The following DPP6 variants were observed in gnomAD, a reference collection of about 807,000 sequenced individuals.
DPP6 encodes dipeptidyl peptidase like 6.
DPP6 carries 69 observed loss-of-function variants against 122.6 expected under a neutral mutation model. The ratio of observed to expected loss-of-function variants is 0.56; its 90% CI spans 0.46 to 0.69. DPP6 has a LOEUF of 0.69. Among genes scored for constraint, DPP6 ranks in the 30% least tolerant of loss-of-function variants. DPP6 has a pLI of 0.00. For missense variants in DPP6, 928 were observed against 1,116.9 expected (o/e 0.83, Z 2.41); for synonymous variants, 418 against 433.1 (o/e 0.97, Z 0.43).
At chr7:154,587,351 C>T (rs990122704) in intron 5 of DPP6, 4 of 444,276 alleles carry the variant, frequency 9.0e-6, no homozygotes, top group Admixed American at 3.8e-5. Flanking sequence ...TCCCCCCAAC[C>T]ATTCCCACTG....
intron 3 of DPP6, among the ~76,000 whole-genome samples, chr7:154,533,563 G>C (rs1828009960): frequency 6.6e-6 from 1 of 152,028 alleles, no homozygotes; most frequent in East Asian, 1.9e-4. Flanking sequence ...GAATAGAATG[G>C]AACACTTCCC....
At chr7:154,443,738 G>A (rs542361660) in intron 1 of DPP6, among the ~76,000 whole-genome samples, 2 of 152,298 alleles carry the variant, frequency 1.3e-5, no homozygotes, top group African/African-American at 4.8e-5. Context: ...ATGGATGGAT[G>A]TGGATCACTG....
chr7:153,950,811 G>C (rs968765759), intron 1 of DPP6, among the ~76,000 whole-genome samples: 11 of 152,216 alleles, frequency 7.2e-5, no homozygotes, highest in Admixed American at 3.3e-4. Context: ...GGAACATATC[G>C]GTGGTGGATG....
chr7:154,180,650 T>G (rs1798038005), intron 1 of DPP6, among the ~76,000 whole-genome samples: 1 of 151,616 alleles, frequency 6.6e-6, no homozygotes, highest in African/African-American at 2.4e-5. Context: ...ATATCCCGTT[T>G]TTTTACTAAT....
At chr7:153,766,739 T>C in the DPP6 span, among the ~76,000 whole-genome samples, 64,587 of 151,944 alleles carry the variant, frequency 0.43, 14,085 homozygotes, top group South Asian at 0.52. Context: ...GCAACCTCGC[T>C]AGAATCAAAT....
chr7:153,991,745 C>T (rs921335611), intron 1 of DPP6, among the ~76,000 whole-genome samples: 4 of 152,194 alleles, frequency 2.6e-5, no homozygotes, highest in Non-Finnish European at 4.4e-5. Context: ...TGAGTCCACA[C>T]ACTGATGTTC....
intron 10 of DPP6, among the ~76,000 whole-genome samples, chr7:154,785,268 C>T (rs1797271170): frequency 6.6e-6 from 1 of 152,186 alleles, no homozygotes; most frequent in Non-Finnish European, 1.5e-5. Context: ...TCTAACCCAT[C>T]TCACCCCCAG....
chr7:153,883,487 A>G (rs1314396168), upstream of DPP6, among the ~76,000 whole-genome samples: 1 of 152,062 alleles, frequency 6.6e-6, no homozygotes, highest in African/African-American at 2.4e-5. Context: ...GGTTCAAGCA[A>G]TTCTGCCTCA....
At chr7:154,798,527 C>T (rs756095572) in intron 12 of DPP6, among the ~76,000 whole-genome samples, 4 of 152,242 alleles carry the variant, frequency 2.6e-5, no homozygotes, top group Non-Finnish European at 4.4e-5. Flanking sequence ...GCTGCTTAAA[C>T]GTATGCAATG....
chr7:154,164,639 C>T (rs1403829551), intron 1 of DPP6, among the ~76,000 whole-genome samples: 1 of 152,142 alleles, frequency 6.6e-6, no homozygotes, highest in Non-Finnish European at 1.5e-5. Flanking sequence ...CATCCTTCCC[C>T]TAGCCTTCAG....
chr7:154,867,763 G>T (rs1019767672), intron 17 of DPP6, among the ~76,000 whole-genome samples: 1 of 152,156 alleles, frequency 6.6e-6, no homozygotes, highest in African/African-American at 2.4e-5. Flanking sequence ...AGCCTAAGAC[G>T]GTGGGGAGAA....
intron 1 of DPP6, among the ~76,000 whole-genome samples, chr7:154,431,471 CTTTTCTTT>C (rs1818387227): frequency 1.1e-4 from 2 of 17,774 alleles, no homozygotes; most frequent in Admixed American, 1.1e-3. Context: ...CTTTTCTTTT[CTTTTCTTT>C]TCTTTTCTTT....
At chr7:154,308,344 G>A (rs1221856735) in intron 1 of DPP6, among the ~76,000 whole-genome samples, 4 of 152,076 alleles carry the variant, frequency 2.6e-5, no homozygotes, top group Non-Finnish European at 5.9e-5. Context: ...AGTATTTTGG[G>A]ATTTTTGGTT....
intron 4 of DPP6, among the ~76,000 whole-genome samples, chr7:154,566,415 G>A (rs1316936032): frequency 2.0e-5 from 3 of 151,928 alleles, no homozygotes; most frequent in African/African-American, 7.3e-5. Context: ...CCAAGTATCT[G>A]GGTCTACAGG....
chr7:154,756,760 C>T (rs978714473), intron 8 of DPP6, among the ~76,000 whole-genome samples: 1 of 152,148 alleles, frequency 6.6e-6, no homozygotes, highest in Non-Finnish European at 1.5e-5. Flanking sequence ...CTGATGATAG[C>T]TTGTTGTGAT....
chr7:154,885,823 TCC>T, intron 22 of DPP6, 79 bp downstream of exon 22: 1 of 1,472,818 alleles, frequency 6.8e-7, no homozygotes, highest in Non-Finnish European at 9.0e-7. Flanking sequence ...CCCACAGCCC[TCC>T]CTTCAGCACC....
chr7:154,632,418 T>G (rs1835462279), intron 5 of DPP6, among the ~76,000 whole-genome samples: 1 of 152,096 alleles, frequency 6.6e-6, no homozygotes, highest in Admixed American at 6.5e-5. Context: ...GGGCGCTATT[T>G]GATTGAATTG....
At chr7:154,129,937 A>G (rs1808237288) in intron 1 of DPP6, among the ~76,000 whole-genome samples, 1 of 151,700 alleles carries the variant, frequency 6.6e-6, no homozygotes, top group South Asian at 2.1e-4. Flanking sequence ...TTAGCTGGGC[A>G]TGGTGACACA....
At chr7:154,879,339 G>T (rs1057219564) in intron 20 of DPP6, among the ~76,000 whole-genome samples, 1 of 95,450 alleles carries the variant, frequency 1.0e-5, no homozygotes, top group African/African-American at 5.1e-5. Context: ...CCAGCACTTT[G>T]GGAGGCCGAG....
Sources: allele counts gnomAD v4.1 joint callset (sites outside exome capture counted in the v4.1 genomes callset), GRCh38; gene constraint gnomAD v4.1.1; transcripts MANE v1.5; gene names NCBI Gene and HGNC (gene_info 2026-07-23, HGNC 2026-07-21).